PTGFRN: variants seen among roughly 807,000 people sequenced by gnomAD.
PTGFRN encodes prostaglandin F2 receptor inhibitor.
PTGFRN carries 35 observed loss-of-function variants against 83.2 expected under a neutral mutation model. That is an observed-to-expected ratio of 0.42 (90% confidence interval 0.32 to 0.56). The LOEUF (loss-of-function observed/expected upper bound fraction) is 0.56, where lower values mean the gene tolerates loss of function less well. Among genes scored for constraint, PTGFRN ranks in the 20% least tolerant of loss-of-function variants. The pLI, the probability that PTGFRN is intolerant of heterozygous loss-of-function variation, is 0.11. For synonymous variants in PTGFRN, 519 were observed against 498.6 expected, an observed-to-expected ratio of 1.04 and a Z score of -0.55; for missense variants, 1,051 against 1,179.5, an observed-to-expected ratio of 0.89 and a Z score of 1.60.
At position 116,956,532 on chromosome 1, in the gene PTGFRN, C is replaced by T. The variant is rs190049577; in HGVS notation, c.1214-4711C>T. 4.2e-4 allele frequency among the ~76,000 whole-genome samples: 64 copies of T among 152,284 alleles called. 1 individual carries two copies. Among genetic ancestry groups the T allele is most frequent in the Admixed American group, 3.9e-3 (59 of 15,290 alleles). ...TTAAACTACTTATCGAGCAGGTGGC[C>T]CAGGTGCTGAGGCAGACAGAGCAGC... On this transcript the variant is annotated intron_variant, in intron 4 of 8. Transcript: ENST00000393203.
intron 1 of PTGFRN, among the ~76,000 whole-genome samples, chr1:116,940,749 T>C (rs1650039471): frequency 6.6e-6 from 1 of 152,158 alleles, no homozygotes; most frequent in Admixed American, 6.5e-5. Flanking sequence ...GCAACTTAGG[T>C]CTCCTTGATT....
chr1:116,965,941 C>T (rs991717897), intron 5 of PTGFRN, among the ~76,000 whole-genome samples: 1 of 152,170 alleles, frequency 6.6e-6, no homozygotes, highest in African/African-American at 2.4e-5. Flanking sequence ...AGTAGAAGCT[C>T]AGCAGTCAGT....
intron 6 of PTGFRN, among the ~76,000 whole-genome samples, chr1:116,970,393 GATT>G (rs927059125): frequency 5.3e-5 from 8 of 152,182 alleles, no homozygotes; most frequent in African/African-American, 1.9e-4. Flanking sequence ...GTTGAGATGA[GATT>G]ATTATGTGGT....
intron 1 of PTGFRN, among the ~76,000 whole-genome samples, chr1:116,930,649 C>T (rs1241311303): frequency 6.6e-6 from 1 of 152,220 alleles, no homozygotes; most frequent in African/African-American, 2.4e-5. Flanking sequence ...TGTTGTGGCT[C>T]TCAGAGCTGC....
At chr1:116,982,863 C>T (rs1209884270) in intron 7 of PTGFRN, among the ~76,000 whole-genome samples, 2 of 152,168 alleles carry the variant, frequency 1.3e-5, no homozygotes, top group African/African-American at 4.8e-5. Flanking sequence ...AGCCCGGCCT[C>T]TGGAGGGGGG....
chr1:116,948,421 A>T (rs1650254807), intron 3 of PTGFRN, among the ~76,000 whole-genome samples: 1 of 152,290 alleles, frequency 6.6e-6, no homozygotes, highest in Non-Finnish European at 1.5e-5. Context: ...TCCAAAAATC[A>T]TCGTGTTTTA....
rs1053823455 is a variant in PTGFRN, at chr1:116,949,222, CTG to C, written c.866_867del (p.Val289GlyfsTer2). ...CGAGCAGCTGTGCCCAAGAATGTGT[CTG>C]TGGCTGAAGGAAAGGAACTGGACCT... On this transcript the variant is annotated frameshift_variant, in exon 4 of 9. Coordinates refer to ENST00000393203, the MANE Select transcript of PTGFRN (RefSeq NM_020440.4). LOFTEE classifies it high-confidence loss of function. 4 of 1,603,864 alleles carry C rather than the reference CTG, an allele frequency of 2.5e-6. No homozygotes were observed. Among genetic ancestry groups the C allele is most frequent in the Non-Finnish European group, 3.4e-6 (4 of 1,172,676 alleles).
rs537971311 is a variant in PTGFRN, at chr1:116,941,762, C to T, written c.97C>T (p.Arg33Ter). ...VVRVPTATLVRVVGTELVIPC... is the reference protein window; with the variant it reads ...VVRVPTATLV The stretch of plus-strand genomic sequence containing the variant: ...GAGAGTCCCCACAGCGACCCTGGTT[C>T]GAGTGGTGGGCACTGAGCTGGTCAT... The change falls in exon 2 of 9, where the codon CGA becomes TGA. Residue 33 changes from arginine to a stop codon, truncating the protein, a stop_gained. Coordinates refer to ENST00000393203, the MANE Select transcript of PTGFRN (RefSeq NM_020440.4). LOFTEE classifies it high-confidence loss of function. The surrounding 1 kb of genome is among the most constrained non-coding windows in gnomAD (Gnocchi z 5.0). 3.1e-6 allele frequency: 5 copies of T among 1,614,106 alleles called. No individual in the cohort carries two copies. In the South Asian group the frequency reaches 3.3e-5, roughly 11 times the overall value.
chr1:116,976,766 A>C (rs1264657132), intron 7 of PTGFRN, among the ~76,000 whole-genome samples: 1 of 152,244 alleles, frequency 6.6e-6, no homozygotes, highest in Non-Finnish European at 1.5e-5. Context: ...CCACTGCAAA[A>C]ACATGCCAAA....
At chr1:116,973,460 C>T (rs1265007463) in intron 6 of PTGFRN, among the ~76,000 whole-genome samples, 2 of 151,798 alleles carry the variant, frequency 1.3e-5, no homozygotes, top group Non-Finnish European at 2.9e-5. Flanking sequence ...CAAAAATTTG[C>T]GGGGCGTAGT....
In PTGFRN at chr1:116,941,791, C is replaced by G. The variant is rs1443245859; in HGVS notation, c.126C>G (p.Pro42=). 6.8e-6 allele frequency: 11 copies of G among 1,614,176 alleles called. No homozygotes were observed. The highest frequency in any genetic ancestry group is 9.3e-6 in the Non-Finnish European group (11 of 1,180,034). ...VRVVGTELVI[P]CNVSDYDGPS... ...TGGTGGGCACTGAGCTGGTCATCCC[C>G]TGCAACGTCAGTGACTATGATGGCC... The change falls in exon 2 of 9, where the codon CCC becomes CCG. Residue 42 remains proline (P), a synonymous_variant. Transcript: ENST00000393203. The surrounding 1 kb of genome is among the most constrained non-coding windows in gnomAD (Gnocchi z 5.0).
At chr1:116,913,683 C>T (rs939535906) in intron 1 of PTGFRN, among the ~76,000 whole-genome samples, 5 of 152,162 alleles carry the variant, frequency 3.3e-5, no homozygotes, top group African/African-American at 9.7e-5. Context: ...GTCCCTATTA[C>T]GAATAGGATA....
At chr1:116,964,695 C>T (rs1000026186) in intron 5 of PTGFRN, among the ~76,000 whole-genome samples, 4 of 152,366 alleles carry the variant, frequency 2.6e-5, no homozygotes, top group African/African-American at 7.2e-5. Context: ...CACTACTTGA[C>T]TAACAGGCAT....
Position 116,949,558 on chromosome 1 carries a change from G to T in PTGFRN, c.1199G>T (p.Gly400Val), listed in dbSNP as rs201309292. 2 of 1,613,014 alleles carry T rather than the reference G, an allele frequency of 1.2e-6. No individual in the cohort carries two copies. The highest frequency in any genetic ancestry group is 1.7e-6 in the Non-Finnish European group (2 of 1,179,784). Residue 400 changes from glycine (G) to valine (V), a missense_variant, in exon 4 of 9, where the codon GGT becomes GTT. Around this residue, in one of 3 missense-constraint regions of PTGFRN, gnomAD observed 719 missense variants for 836.6 expected, o/e 0.86. Coordinates refer to ENST00000393203, the MANE Select transcript of PTGFRN (RefSeq NM_020440.4). ...AEAVSSPAGV[G>V]VTWLEPDYQV... is the part of the protein sequence containing the mutation. ...GCCGTGTCTTCCCCAGCTGGTGTGG[G>T]TGTGACCTGGCTAGGTGAGTGGTTT... is the stretch of plus-strand genomic sequence containing the variant.
chr1:116,948,618 A>G (rs1650259307), intron 3 of PTGFRN, among the ~76,000 whole-genome samples: 2 of 152,046 alleles, frequency 1.3e-5, no homozygotes, highest in Admixed American at 1.3e-4. Context: ...CTGCTGCCTT[A>G]TTGCCTAGCC....
intron 6 of PTGFRN, among the ~76,000 whole-genome samples, chr1:116,972,292 T>TTA (rs1651025810): frequency 6.6e-6 from 1 of 152,214 alleles, no homozygotes; most frequent in African/African-American, 2.4e-5. Context: ...TGTCAATTCT[T>TTA]TATCCCCTTA....
intron 5 of PTGFRN, among the ~76,000 whole-genome samples, chr1:116,966,089 G>T (rs539852972): frequency 6.6e-6 from 1 of 152,336 alleles, no homozygotes; most frequent in Non-Finnish European, 1.5e-5. Context: ...AGGATAAAAA[G>T]AATGTATCTA....
chr1:116,961,817 T>C lies in PTGFRN; in HGVS notation c.1639+149T>C. On this transcript the variant is annotated intron_variant, in intron 5 of 8. Coordinates refer to ENST00000393203, the MANE Select transcript of PTGFRN (RefSeq NM_020440.4). This position sits in a 1 kb window ranked among gnomAD's most constrained non-coding sequence, Gnocchi z 5.4. ...TGATCGCCATGCGACCCGTTGCACA[T>C]GCTCTTTGGACTCACTATCACCCCT... is the stretch of plus-strand genomic sequence containing the variant. 1.2e-6 allele frequency: 1 copy of C among 803,964 alleles called. No homozygotes were observed. The highest frequency in any genetic ancestry group is 1.9e-6 in the Non-Finnish European group (1 of 521,238). The allele number at this position is 803,964 out of a possible 1,614,324, so 49.8% of individuals were successfully genotyped here.
chr1:116,930,324 T>C (rs1649762427), intron 1 of PTGFRN, among the ~76,000 whole-genome samples: 1 of 152,234 alleles, frequency 6.6e-6, no homozygotes, highest in Non-Finnish European at 1.5e-5. Flanking sequence ...TTTCTTCTGC[T>C]CATGCCTTAA....
Sources: allele counts gnomAD v4.1 joint callset (sites outside exome capture counted in the v4.1 genomes callset), GRCh38; gene constraint gnomAD v4.1.1; regional missense constraint gnomAD v4.1.1; non-coding constraint Gnocchi (gnomAD v3.1); transcripts MANE v1.5; gene names NCBI Gene and HGNC (gene_info 2026-07-23, HGNC 2026-07-21).